Variants in ATP9B observed in about 807,000 individuals in gnomAD.
ATP9B encodes probable phospholipid-transporting ATPase IIB.
A neutral mutation model predicts 146.1 loss-of-function variants in ATP9B; 110 were observed. The ratio of observed to expected loss-of-function variants is 0.75; its 90% CI spans 0.65 to 0.88. The LOEUF (loss-of-function observed/expected upper bound fraction) is 0.88, where lower values mean the gene tolerates loss of function less well. ATP9B is among the 40% of genes least tolerant of loss of function. The pLI, the probability that ATP9B is intolerant of heterozygous loss-of-function variation, is 0.00. For synonymous variants in ATP9B, 604 were observed against 569.7 expected (o/e 1.06, Z -0.86); for missense variants, 1,499 against 1,496.4 (o/e 1.00, Z -0.03).
chr18:79,093,707 T>TGCATGGGTGCGTGTGCAC (rs1322878373), intron 1 of ATP9B, among the ~76,000 whole-genome samples: 1 of 152,232 alleles, frequency 6.6e-6, no homozygotes, highest in Non-Finnish European at 1.5e-5. Flanking sequence ...ATAGTGTGTA[T>TGCATGGGTGCGTGTGCAC]GCATGGGTGC....
At chr18:79,373,436 C>T (rs1434706138) in intron 27 of ATP9B, among the ~76,000 whole-genome samples, 1 of 151,520 alleles carries the variant, frequency 6.6e-6, no homozygotes, top group African/African-American at 2.4e-5. Context: ...GTCCATAATC[C>T]AGAGTTTAAG....
At chr18:79,182,818 C>T (rs1043203564) in intron 8 of ATP9B, among the ~76,000 whole-genome samples, 1 of 152,158 alleles carries the variant, frequency 6.6e-6, no homozygotes, top group Non-Finnish European at 1.5e-5. Flanking sequence ...GATCTACCTG[C>T]TGGGAGGCCT....
chr18:79,156,360 G>A (rs1235041224), intron 7 of ATP9B, among the ~76,000 whole-genome samples: 1 of 152,146 alleles, frequency 6.6e-6, no homozygotes. Context: ...AAGTCTGTAT[G>A]CCACATCTAG....
chr18:79,376,919 G>A (rs1282454388), intron 29 of ATP9B, among the ~76,000 whole-genome samples: 3 of 151,944 alleles, frequency 2.0e-5, no homozygotes, highest in Admixed American at 6.6e-5. Context: ...GGATGGTCTC[G>A]AACTCCTGAC....
At position 79,193,088 on chromosome 18, in the gene ATP9B, T is replaced by C; in HGVS notation, c.874-95T>C. ...AAAATCAATGATTGCTTTTGGTAAA[T>C]AATATATGAACAATATTAATCAGCA... On this transcript the variant is annotated intron_variant, in intron 8 of 29. Coordinates refer to ENST00000426216, the MANE Select transcript of ATP9B (RefSeq NM_198531.5). 4.6e-6 allele frequency: 4 copies of C among 877,844 alleles called. No individual in the cohort carries two copies. The South Asian group carries it at 7.7e-5, about 17-fold the overall frequency. 54.4% of individuals were successfully genotyped at this position (877,844 alleles called of 1,614,324 possible). A position where few individuals can be genotyped will look rare whatever the true frequency, so the allele number is the denominator to read the frequency against.
intron 5 of ATP9B, among the ~76,000 whole-genome samples, chr18:79,143,153 G>T (rs1157652082): frequency 6.6e-6 from 1 of 152,080 alleles, no homozygotes; most frequent in Non-Finnish European, 1.5e-5. Context: ...TTTGTTACGT[G>T]TGTCTCAAAT....
chr18:79,176,347 A>G (rs929325614), intron 7 of ATP9B, among the ~76,000 whole-genome samples: 3 of 152,226 alleles, frequency 2.0e-5, no homozygotes, highest in African/African-American at 7.2e-5. Context: ...ATATGGTAAC[A>G]TTTACCTGGG....
chr18:79,348,872 TACTCAGGAG>T (rs2096907118), intron 25 of ATP9B, among the ~76,000 whole-genome samples: 1 of 152,200 alleles, frequency 6.6e-6, no homozygotes, highest in Non-Finnish European at 1.5e-5. Flanking sequence ...TAATCCCAGC[TACTCAGGAG>T]ACTGAGGCAC....
intron 8 of ATP9B, among the ~76,000 whole-genome samples, chr18:79,189,026 A>T (rs1202296382): frequency 6.6e-6 from 1 of 152,142 alleles, no homozygotes; most frequent in Non-Finnish European, 1.5e-5. Context: ...AAAAGTAAAA[A>T]TTGTACCATT....
At chr18:79,341,844 G>C (rs2096861110) in intron 19 of ATP9B, among the ~76,000 whole-genome samples, 1 of 152,174 alleles carries the variant, frequency 6.6e-6, no homozygotes, top group Non-Finnish European at 1.5e-5. Flanking sequence ...GCCGATTCTT[G>C]TGCAGCCATC....
intron 15 of ATP9B, among the ~76,000 whole-genome samples, chr18:79,309,394 C>T (rs1336787617): frequency 2.3e-4 from 29 of 128,830 alleles, no homozygotes; most frequent in African/African-American, 7.1e-4. Flanking sequence ...AGGTCAGGGG[C>T]GGAGGAGTGA....
chr18:79,096,711 T>C, intron 2 of ATP9B, 62 bp downstream of exon 2: 2 of 1,316,640 alleles, frequency 1.5e-6, no homozygotes, highest in Non-Finnish European at 2.1e-6. Context: ...GGTTAGCTTC[T>C]AATATACTTA....
At chr18:79,244,334 A>C (rs73973025) in intron 11 of ATP9B, among the ~76,000 whole-genome samples, 3,566 of 152,300 alleles carry the variant, frequency 0.023, 124 homozygotes, top group African/African-American at 0.073. Context: ...CTTCTGAATC[A>C]CAGCCTTTTC....
chr18:79,320,529 A>G (rs575397227), intron 15 of ATP9B, among the ~76,000 whole-genome samples: 1 of 152,298 alleles, frequency 6.6e-6, no homozygotes, highest in Non-Finnish European at 1.5e-5. Flanking sequence ...TAACAAATGT[A>G]TTTGTCACTG....
intron 15 of ATP9B, among the ~76,000 whole-genome samples, chr18:79,321,414 G>A (rs1247476953): frequency 2.7e-5 from 4 of 147,738 alleles, no homozygotes; most frequent in South Asian, 2.1e-4. Context: ...GCAGAGTCTC[G>A]CTCTATTGCC....
In ATP9B at chr18:79,375,511, A is replaced by G. The variant is rs2097097680; in HGVS notation, c.3307+85A>G. ...AGATACTTAACTAATAAGAAAAACA[A>G]ACCTTCCTCTAATTCAGTGTTCCTC... On this transcript the variant is annotated intron_variant, in intron 29 of 29. Coordinates refer to ENST00000426216, the MANE Select transcript of ATP9B (RefSeq NM_198531.5). The G allele has an allele frequency of 4.2e-5, 66 of 1,559,334 alleles. No homozygotes were observed. In the South Asian group the frequency reaches 6.4e-4, roughly 15 times the overall value.
intron 2 of ATP9B, among the ~76,000 whole-genome samples, chr18:79,097,026 T>G (rs1287290519): frequency 1.3e-5 from 2 of 151,832 alleles, no homozygotes; most frequent in Admixed American, 6.6e-5. Flanking sequence ...GGCGAGATTG[T>G]GAGCTCCTGT....
intron 8 of ATP9B, among the ~76,000 whole-genome samples, chr18:79,179,348 T>G (rs1187480489): frequency 6.6e-6 from 1 of 152,128 alleles, no homozygotes; most frequent in Non-Finnish European, 1.5e-5. Flanking sequence ...TTCTTCCTCC[T>G]TAAGGTGGAA....
At chr18:79,317,100 T>C (rs1318977012) in intron 15 of ATP9B, among the ~76,000 whole-genome samples, 1 of 152,192 alleles carries the variant, frequency 6.6e-6, no homozygotes, top group Non-Finnish European at 1.5e-5. Context: ...AAAAGAAATT[T>C]AGAAAAATCA....
Sources: allele counts gnomAD v4.1 joint callset (sites outside exome capture counted in the v4.1 genomes callset), GRCh38; gene constraint gnomAD v4.1.1; transcripts MANE v1.5; gene names NCBI Gene and HGNC (gene_info 2026-07-23, HGNC 2026-07-21).